Variants in FBXL2 observed in about 807,000 individuals in gnomAD.
The protein encoded by FBXL2 is F-box and leucine rich repeat protein 2, also known as F-box/LRR-repeat protein 2.
A neutral mutation model predicts 69.2 loss-of-function variants in FBXL2; 38 were observed. The ratio of observed to expected loss-of-function variants is 0.55; its 90% CI spans 0.42 to 0.72. The LOEUF (loss-of-function observed/expected upper bound fraction) is 0.72. Among genes scored for constraint, FBXL2 ranks in the 30% least tolerant of loss-of-function variants. The probability of loss-of-function intolerance (pLI) is 0.00; values close to 1 mark genes in which losing one functional copy is unlikely to be tolerated. For synonymous variants in FBXL2, 192 were observed against 201.3 expected (o/e 0.95, Z 0.39); for missense variants, 354 against 520.3 (o/e 0.68, Z 3.11).
chr3:33,378,610 G>C, intron 12 of FBXL2, 75 bp from the exon 13 acceptor site: 1 of 1,422,686 alleles, frequency 7.0e-7, no homozygotes, highest in East Asian at 2.3e-5. Flanking sequence ...TTTGATTCTC[G>C]TGTTCAGGAG....
At chr3:33,330,418 C>T (rs942569541) in intron 2 of FBXL2, among the ~76,000 whole-genome samples, 1 of 151,974 alleles carries the variant, frequency 6.6e-6, no homozygotes, top group Non-Finnish European at 1.5e-5. Flanking sequence ...AGAAATAATA[C>T]CTGTTTTTTG....
intron 2 of FBXL2, among the ~76,000 whole-genome samples, chr3:33,330,815 G>C (rs2039087721): frequency 6.6e-6 from 1 of 151,960 alleles, no homozygotes; most frequent in African/African-American, 2.4e-5. Flanking sequence ...TTTGAACCTG[G>C]GAGGCGGAGG....
At chr3:33,342,753 T>G (rs1179963937) in intron 2 of FBXL2, among the ~76,000 whole-genome samples, 1 of 111,810 alleles carries the variant, frequency 8.9e-6, no homozygotes. Flanking sequence ...TGAGACAGAG[T>G]CTCGCTCTGT....
chr3:33,289,848 C>T (rs1033956505), intron 1 of FBXL2: 1 of 914,402 alleles, frequency 1.1e-6, no homozygotes, highest in Non-Finnish European at 1.3e-6. Context: ...TAAGAGAAAT[C>T]CCTGTAGTGC....
downstream of FBXL2, chr3:33,390,276 C>A: frequency 6.4e-7 from 1 of 1,550,810 alleles, no homozygotes. Flanking sequence ...TCAGTCTTCA[C>A]ACACTTTTAA....
Position 33,297,659 on chromosome 3 carries a change from T to G in FBXL2, c.4-5T>G. ...TCACAATTTCCTTTTTTTTTTTCTT[T>G]CCAGGTTTTCTCAAACAATGATGAA... On this transcript the variant is annotated splice_polypyrimidine_tract_variant and splice_region_variant and intron_variant, in intron 1 of 14. Transcript: ENST00000484457. 6.5e-7 allele frequency: 1 copy of G among 1,546,524 alleles called. No homozygotes were observed. Among genetic ancestry groups the G allele is most frequent in the Non-Finnish European group, 8.8e-7 (1 of 1,136,906 alleles).
At chr3:33,279,057 A>G (rs2033659102) in intron 1 of FBXL2, among the ~76,000 whole-genome samples, 1 of 152,216 alleles carries the variant, frequency 6.6e-6, no homozygotes. Flanking sequence ...GTTTTACTTT[A>G]AAATAAAAGC....
At chr3:33,290,264 C>G (rs74846121) in intron 1 of FBXL2, among the ~76,000 whole-genome samples, 1 of 152,160 alleles carries the variant, frequency 6.6e-6, no homozygotes, top group East Asian at 1.9e-4. Flanking sequence ...AATCTCAAAC[C>G]CAGCTCAACT....
rs367650836 is a variant in FBXL2 at position 33,364,080 on chromosome 3, C to G, written c.196-545C>G. On this transcript the variant is annotated intron_variant, in intron 4 of 14. Transcript: ENST00000484457. The stretch of plus-strand genomic sequence containing the variant: ...ATTTTCTTTTTGCTTCCTCTAATAT[C>G]TCTGCCAGTACTCAACAAAAGTTCC... 3.7e-4 allele frequency among the ~76,000 whole-genome samples: 57 copies of G among 152,300 alleles called. 2 individuals carry two copies. The East Asian group carries it at 6.5e-3, about 17-fold the overall frequency.
At chr3:33,309,856 G>A (rs1419235248) in intron 2 of FBXL2, among the ~76,000 whole-genome samples, 3 of 152,078 alleles carry the variant, frequency 2.0e-5, no homozygotes, top group Admixed American at 2.0e-4. Flanking sequence ...ATTTTAAGCT[G>A]TTAACGACTT....
At chr3:33,277,370 G>C, upstream of FBXL2, 1 of 894,980 alleles carries the variant, frequency 1.1e-6, no homozygotes, top group Non-Finnish European at 1.5e-6. Flanking sequence ...GCCCCTGCGG[G>C]TCACGTGCTC....
intron 1 of FBXL2, among the ~76,000 whole-genome samples, chr3:33,284,609 T>C (rs1451849179): frequency 6.6e-6 from 1 of 152,198 alleles, no homozygotes; most frequent in Non-Finnish European, 1.5e-5. Flanking sequence ...CTTGTTAACT[T>C]TCTGTCTCAT....
intron 2 of FBXL2, among the ~76,000 whole-genome samples, chr3:33,340,565 GTTATTT>G (rs200090893): frequency 0.025 from 3,543 of 140,056 alleles, 127 homozygotes; most frequent in East Asian, 0.18. Flanking sequence ...GCCAAAATGG[GTTATTT>G]TGATTAAAAA....
chr3:33,369,120 C>T lies in FBXL2; in HGVS notation c.291-3972C>T, dbSNP rs375008873. Among the ~76,000 whole-genome samples, 593 of 151,266 alleles carry T rather than the reference C, an allele frequency of 3.9e-3. 4 individuals carry two copies. The Middle Eastern group carries it at 0.048, about 12-fold the overall frequency. On this transcript the variant is annotated intron_variant, in intron 5 of 14. Coordinates refer to ENST00000484457, the MANE Select transcript of FBXL2 (RefSeq NM_012157.5). ...AGGCTGCAGTGCAGTGGCACAATCT[C>T]GACTCACTGCAGCCTCTGCCTCCTG... is the stretch of plus-strand genomic sequence containing the variant.
At chr3:33,392,523 A>G (rs757183013), downstream of FBXL2, 2 of 1,575,318 alleles carry the variant, frequency 1.3e-6, no homozygotes, top group Admixed American at 1.8e-5. Context: ...ACCATCTCTC[A>G]TGATTCCAGC....
chr3:33,354,448 G>A (rs1168624789), intron 2 of FBXL2, among the ~76,000 whole-genome samples: 1 of 151,948 alleles, frequency 6.6e-6, no homozygotes, highest in Non-Finnish European at 1.5e-5. Flanking sequence ...TGGAGGCAGA[G>A]GTTGCAGTGA....
At chr3:33,404,184 G>C (rs55951549), downstream of FBXL2, among the ~76,000 whole-genome samples, 38,984 of 152,086 alleles carry the variant, frequency 0.26, 5,890 homozygotes, top group East Asian at 0.47. Flanking sequence ...AGGCTGAGGT[G>C]GGTGGATCAT....
At chr3:33,316,099 C>T (rs1443079964) in intron 2 of FBXL2, among the ~76,000 whole-genome samples, 1 of 150,898 alleles carries the variant, frequency 6.6e-6, no homozygotes, top group East Asian at 1.9e-4. Flanking sequence ...TACTCTATTG[C>T]CCAGGCTGGA....
intron 1 of FBXL2, among the ~76,000 whole-genome samples, chr3:33,278,585 T>C (rs915657944): frequency 6.6e-6 from 1 of 152,078 alleles, no homozygotes; most frequent in African/African-American, 2.4e-5. Context: ...CTGGCTCAGT[T>C]TTTTTCTTAA....
Sources: allele counts gnomAD v4.1 joint callset (sites outside exome capture counted in the v4.1 genomes callset), GRCh38; gene constraint gnomAD v4.1.1; transcripts MANE v1.5; gene names NCBI Gene and HGNC (gene_info 2026-07-23, HGNC 2026-07-21).